Variants in CRPPA observed in about 807,000 individuals in gnomAD.
CRPPA encodes CDP-L-ribitol pyrophosphorylase A.
CRPPA carries 43 observed loss-of-function variants against 52.0 expected under a neutral mutation model. The ratio of observed to expected loss-of-function variants is 0.83; its 90% CI spans 0.65 to 1.07. CRPPA has a LOEUF of 1.07. Among genes scored for constraint, CRPPA ranks in the 50% least tolerant of loss-of-function variants. The pLI is 0.00. For missense variants in CRPPA, 629 were observed against 551.7 expected, an observed-to-expected ratio of 1.14 and a Z score of -1.40; for synonymous variants, 250 against 203.5, an observed-to-expected ratio of 1.23 and a Z score of -1.94.
intron 9 of CRPPA, among the ~76,000 whole-genome samples, chr7:16,159,273 C>A (rs1402704612): frequency 6.6e-6 from 1 of 152,048 alleles, no homozygotes; most frequent in Non-Finnish European, 1.5e-5. Flanking sequence ...ACAAATTAGC[C>A]CTGGTGTGTG....
intron 9 of CRPPA, among the ~76,000 whole-genome samples, chr7:16,106,384 A>G (rs1056787125): frequency 2.0e-5 from 3 of 152,196 alleles, no homozygotes; most frequent in Non-Finnish European, 4.4e-5. Flanking sequence ...GATCCCAAAG[A>G]GTTGAATTGG....
At chr7:16,115,075 C>T (rs899944308) in intron 9 of CRPPA, among the ~76,000 whole-genome samples, 3 of 151,886 alleles carry the variant, frequency 2.0e-5, no homozygotes, top group African/African-American at 7.3e-5. Context: ...TAGAATCAAG[C>T]AGGATGGGGT....
intron 4 of CRPPA, among the ~76,000 whole-genome samples, chr7:16,302,924 C>T (rs967814388): frequency 1.3e-5 from 2 of 152,010 alleles, no homozygotes; most frequent in African/African-American, 2.4e-5. Context: ...AACTTCAATA[C>T]TCATTGTCAG....
Position 16,324,530 on chromosome 7 carries a change from G to C in CRPPA, c.685-15903C>G, listed in dbSNP as rs370864924. On this transcript the variant is annotated intron_variant, in intron 3 of 9. Transcript: ENST00000407010. Reference sequence around the variant, plus strand: ...CCCATCACACCTGACTTTGGGCACTGGCCTTTGATGCAGTTAGACCTCAGC... The same window carrying C: ...CCCATCACACCTGACTTTGGGCACTCGCCTTTGATGCAGTTAGACCTCAGC... Among the ~76,000 whole-genome samples, 19 of 152,302 alleles carry C rather than the reference G, an allele frequency of 1.2e-4. No individual in the cohort carries two copies. In the East Asian group the frequency reaches 2.7e-3, roughly 22 times the overall value.
At chr7:16,397,522 C>G (rs962914277) in intron 2 of CRPPA, among the ~76,000 whole-genome samples, 1 of 151,436 alleles carries the variant, frequency 6.6e-6, no homozygotes, top group African/African-American at 2.5e-5. Flanking sequence ...GAACATGTGA[C>G]ATGATCAACA....
intron 2 of CRPPA, among the ~76,000 whole-genome samples, chr7:16,379,461 T>C (rs1787011099): frequency 6.6e-6 from 1 of 152,210 alleles, no homozygotes; most frequent in South Asian, 2.1e-4. Context: ...TAGGATTGAC[T>C]TGGCAATGTG....
At chr7:16,363,169 T>C (rs1211807565) in intron 3 of CRPPA, among the ~76,000 whole-genome samples, 1 of 152,152 alleles carries the variant, frequency 6.6e-6, no homozygotes, top group Non-Finnish European at 1.5e-5. Flanking sequence ...GTTTAGAAAG[T>C]CTTAATGAGG....
At chr7:16,174,367 A>C (rs1781251350) in intron 9 of CRPPA, among the ~76,000 whole-genome samples, 1 of 152,138 alleles carries the variant, frequency 6.6e-6, no homozygotes, top group African/African-American at 2.4e-5. Context: ...GGTTTGTGTC[A>C]CAACTACTCA....
At chr7:16,370,714 C>T (rs949117921) in intron 3 of CRPPA, among the ~76,000 whole-genome samples, 32 of 152,134 alleles carry the variant, frequency 2.1e-4, no homozygotes, top group African/African-American at 5.8e-4. Flanking sequence ...ACCTCTACAC[C>T]AACAGGCAGG....
intron 2 of CRPPA, among the ~76,000 whole-genome samples, chr7:16,404,046 C>T (rs1787892720): frequency 6.6e-6 from 1 of 152,132 alleles, no homozygotes; most frequent in East Asian, 1.9e-4. Context: ...CTGGATTCAA[C>T]TTTGAACCAG....
At chr7:16,400,532 A>G (rs1396527025) in intron 2 of CRPPA, among the ~76,000 whole-genome samples, 1 of 152,212 alleles carries the variant, frequency 6.6e-6, no homozygotes, top group Non-Finnish European at 1.5e-5. Flanking sequence ...CATGATTGAC[A>G]CTACTGACAC....
At chr7:16,133,853 G>T (rs1234107499) in intron 9 of CRPPA, among the ~76,000 whole-genome samples, 1 of 124,978 alleles carries the variant, frequency 8.0e-6, no homozygotes, top group African/African-American at 2.6e-5. Flanking sequence ...AAGAGATGAG[G>T]TAAACTTACC....
intron 9 of CRPPA, among the ~76,000 whole-genome samples, chr7:16,174,001 C>A (rs1781244199): frequency 6.6e-6 from 1 of 151,954 alleles, no homozygotes; most frequent in African/African-American, 2.4e-5. Flanking sequence ...TTAAAATTTC[C>A]AAATGTGGAA....
intron 3 of CRPPA, among the ~76,000 whole-genome samples, chr7:16,322,769 A>G (rs1426329956): frequency 6.6e-6 from 1 of 152,166 alleles, no homozygotes; most frequent in Admixed American, 6.5e-5. Flanking sequence ...TTGGGTATAT[A>G]GTGAACAGTG....
chr7:16,415,635 T>C (rs1269348202), intron 1 of CRPPA, among the ~76,000 whole-genome samples: 1 of 152,160 alleles, frequency 6.6e-6, no homozygotes, highest in Non-Finnish European at 1.5e-5. Flanking sequence ...AAGTTCTACC[T>C]GAACTGAAGT....
At chr7:16,197,522 G>C (rs1288990669) in intron 9 of CRPPA, among the ~76,000 whole-genome samples, 2 of 150,828 alleles carry the variant, frequency 1.3e-5, no homozygotes, top group African/African-American at 4.9e-5. Flanking sequence ...TTTTTTTTAA[G>C]AAACGGTTTC....
chr7:16,136,103 G>T (rs1014729909), intron 9 of CRPPA, among the ~76,000 whole-genome samples: 3 of 152,110 alleles, frequency 2.0e-5, no homozygotes, highest in Non-Finnish European at 2.9e-5. Flanking sequence ...TAGCTAAAAA[G>T]TACAATTGTG....
intron 8 of CRPPA, among the ~76,000 whole-genome samples, chr7:16,246,774 C>T (rs933205138): frequency 2.0e-5 from 3 of 152,192 alleles, no homozygotes; most frequent in African/African-American, 7.2e-5. Context: ...ATTCAGTAAA[C>T]CATGCTGTAA....
intron 1 of CRPPA, among the ~76,000 whole-genome samples, chr7:16,407,475 C>T (rs1158616044): frequency 6.6e-6 from 1 of 152,210 alleles, no homozygotes; most frequent in East Asian, 1.9e-4. Context: ...GATACGAATT[C>T]TGAACAAAGA....
Sources: gnomAD v4.1 joint callset for allele counts (sites outside exome capture counted in the v4.1 genomes callset) on GRCh38, gnomAD v4.1.1 for gene constraint, MANE v1.5 for transcripts, NCBI Gene and HGNC (gene_info 2026-07-23, HGNC 2026-07-21) for gene names.